IDE: variants seen among roughly 807,000 people sequenced by gnomAD.
IDE encodes the protein insulin-degrading enzyme.
IDE carries 58 observed loss-of-function variants against 133.2 expected under a neutral mutation model. The ratio of observed to expected loss-of-function variants is 0.44; its 90% CI spans 0.35 to 0.54. The LOEUF (loss-of-function observed/expected upper bound fraction) is 0.54. Ranked by LOEUF, IDE falls within the 20% of genes least tolerant of loss-of-function variation. The probability of loss-of-function intolerance (pLI) is 0.00; values close to 1 mark genes in which losing one functional copy is unlikely to be tolerated. For missense variants in IDE, 981 were observed against 1,234.0 expected (o/e 0.79, Z 3.07); for synonymous variants, 396 against 421.3 (o/e 0.94, Z 0.73).
intron 4 of IDE, among the ~76,000 whole-genome samples, chr10:92,526,629 T>C (rs1849634912): frequency 6.6e-6 from 1 of 151,970 alleles, no homozygotes; most frequent in Non-Finnish European, 1.5e-5. Context: ...GAGGATCACT[T>C]GAGCCTAGGA....
At chr10:92,495,646 C>T (rs906008017) in intron 11 of IDE, among the ~76,000 whole-genome samples, 1 of 151,386 alleles carries the variant, frequency 6.6e-6, no homozygotes, top group South Asian at 2.1e-4. Flanking sequence ...CCACCACACC[C>T]GGCCTCAATA....
chr10:92,505,245 C>T (rs1415069999), intron 10 of IDE, among the ~76,000 whole-genome samples: 1 of 152,110 alleles, frequency 6.6e-6, no homozygotes, highest in Non-Finnish European at 1.5e-5. Context: ...ATGCTGACAC[C>T]TACAGGATTT....
chr10:92,563,017 G>A lies in IDE; in HGVS notation c.98+10905C>T, dbSNP rs543647666. On this transcript the variant is annotated intron_variant, in intron 1 of 24. Transcript: ENST00000265986. ...TGTAATCCCAGCACTTTGGGAGGCC[G>A]AGGTGGACAGATCAACTGAAGTCAG... 2.6e-5 allele frequency among the ~76,000 whole-genome samples: 4 copies of A among 152,272 alleles called. No homozygotes were observed. The East Asian group carries it at 7.7e-4, about 29-fold the overall frequency.
chr10:92,558,625 A>C (rs1361483883), intron 1 of IDE, among the ~76,000 whole-genome samples: 2 of 151,392 alleles, frequency 1.3e-5, no homozygotes, highest in Admixed American at 1.3e-4. Context: ...ATGGAGTTTC[A>C]CTCTCGTCAC....
Position 92,534,634 on chromosome 10 carries a change from C to T in IDE, c.435G>A (p.Glu145=), listed in dbSNP as rs894230878. ...AGSSNAFTSG[E]HTNYYFDVSH... The stretch of plus-strand genomic sequence containing the variant: ...AAACATCAAAATAGTAATTGGTATG[C>T]TCTCCACTAGTAAAGGCATTTGAAC... The change falls in exon 3 of 25, where the codon GAG becomes GAA. Residue 145 remains glutamate (E), a synonymous_variant. Transcript: ENST00000265986. The T allele has an allele frequency of 1.9e-6, 3 of 1,613,748 alleles. No individual in the cohort carries two copies. Among genetic ancestry groups the T allele is most frequent in the African/African-American group, 1.3e-5 (1 of 74,890 alleles).
intron 1 of IDE, among the ~76,000 whole-genome samples, chr10:92,546,253 T>C (rs557780202): frequency 2.0e-5 from 3 of 152,228 alleles, no homozygotes; most frequent in South Asian, 2.1e-4. Context: ...GGAGTAGTGA[T>C]TGGATTTGGA....
chr10:92,561,597 CAAA>C (rs1243124939), intron 1 of IDE, among the ~76,000 whole-genome samples: 2 of 120,202 alleles, frequency 1.7e-5, no homozygotes, highest in Non-Finnish European at 3.6e-5. Flanking sequence ...AATAAAAATA[CAAA>C]AAAAAAAAAA....
intron 11 of IDE, among the ~76,000 whole-genome samples, chr10:92,497,455 C>T (rs897228217): frequency 5.3e-5 from 8 of 152,170 alleles, no homozygotes; most frequent in Non-Finnish European, 1.2e-4. Context: ...CCATACTACA[C>T]CATTTAATAT....
At chr10:92,467,560 G>A (rs960770541) in intron 19 of IDE, among the ~76,000 whole-genome samples, 10 of 152,208 alleles carry the variant, frequency 6.6e-5, no homozygotes, top group African/African-American at 1.4e-4. Context: ...GGAGGCAAAA[G>A]AGATTAAGAT....
At chr10:92,538,574 G>A (rs1832197) in intron 1 of IDE, among the ~76,000 whole-genome samples, 62,476 of 152,098 alleles carry the variant, frequency 0.41, 13,096 homozygotes, top group African/African-American at 0.46. Flanking sequence ...AAATTCTCTT[G>A]CAAAGGGCTT....
At position 92,573,904 on chromosome 10, in the gene IDE, G is replaced by A; in HGVS notation, c.98+18C>T. On this transcript the variant is annotated intron_variant, in intron 1 of 24. Coordinates refer to ENST00000265986, the MANE Select transcript of IDE (RefSeq NM_004969.4). ...TGACCCACGGGGCCCGAGGGCCCGG[G>A]CGCTCCATTCCGCTTACCCACACAG... The A allele has an allele frequency of 6.9e-7, 1 of 1,441,606 alleles. No individual in the cohort carries two copies. Among genetic ancestry groups the A allele is most frequent in the Middle Eastern group, 1.8e-4 (1 of 5,636 alleles). The allele number at this position is 1,441,606 out of a possible 1,614,324, so 89.3% of individuals were successfully genotyped here.
chr10:92,482,086 T>G (rs1022631714), intron 14 of IDE, among the ~76,000 whole-genome samples: 2 of 152,220 alleles, frequency 1.3e-5, no homozygotes, highest in Non-Finnish European at 2.9e-5. Context: ...TTATAATCAC[T>G]ATAATCTCAA....
At chr10:92,532,814 T>C (rs1478006727) in intron 3 of IDE, among the ~76,000 whole-genome samples, 2 of 152,194 alleles carry the variant, frequency 1.3e-5, no homozygotes, top group Non-Finnish European at 2.9e-5. Flanking sequence ...GACTACTTTA[T>C]TCAGTGGGCC....
At chr10:92,478,528 T>C (rs1846409307) in intron 15 of IDE, 2 of 465,054 alleles carry the variant, frequency 4.3e-6, no homozygotes, top group South Asian at 5.6e-5. Context: ...ATCAAAAAGA[T>C]GCAAGGAAAA....
intron 14 of IDE, among the ~76,000 whole-genome samples, chr10:92,482,941 C>T (rs1400474920): frequency 3.3e-5 from 5 of 151,950 alleles, no homozygotes; most frequent in African/African-American, 1.2e-4. Context: ...CCACCATGCC[C>T]GGCTAATTTT....
At position 92,454,236 on chromosome 10, in the gene IDE, G is replaced by A. The variant is rs982626184; in HGVS notation, c.*208C>T. ...AAAAGAAAAATTTTAAAATATTTAA[G>A]AGGCATGTATTTAAAAAATATTCTA... On this transcript the variant is annotated 3_prime_UTR_variant, in exon 25 of 25. Transcript: ENST00000265986. The A allele has an allele frequency of 4.9e-6, 2 of 407,440 alleles. No individual in the cohort carries two copies. The highest frequency in any genetic ancestry group is 4.0e-5 in the African/African-American group (2 of 49,980). The allele number at this position is 407,440 out of a possible 1,614,324, so 25.2% of individuals were successfully genotyped here.
At chr10:92,545,525 G>T in intron 1 of IDE, among the ~76,000 whole-genome samples, 1 of 152,226 alleles carries the variant, frequency 6.6e-6, no homozygotes, top group East Asian at 1.9e-4. Context: ...CCAGAAAGGT[G>T]AGCAACCTCT....
intron 1 of IDE, among the ~76,000 whole-genome samples, chr10:92,557,184 C>G (rs185790036): frequency 6.6e-6 from 1 of 152,148 alleles, no homozygotes. Context: ...AAGACTCAAA[C>G]TGCCTGACTT....
rs147786855 is a variant in IDE at position 92,530,304 on chromosome 10, G to T, written c.661+1444C>A. ...TTGAAAAAACAAAAAAAAAGTTGTT[G>T]TTTTTTTTTTGAGACAGGGTCTTAC... On this transcript the variant is annotated intron_variant, in intron 4 of 24. Coordinates refer to ENST00000265986, the MANE Select transcript of IDE (RefSeq NM_004969.4). Among the ~76,000 whole-genome samples the T allele has an allele frequency of 2.5e-3, 365 of 148,052 alleles. 1 individual carries two copies. The highest frequency in any genetic ancestry group is 4.2e-3 in the Non-Finnish European group (281 of 66,742).
Sources: gnomAD v4.1 joint callset for allele counts (sites outside exome capture counted in the v4.1 genomes callset) on GRCh38, gnomAD v4.1.1 for gene constraint, MANE v1.5 for transcripts, NCBI Gene and HGNC (gene_info 2026-07-23, HGNC 2026-07-21) for gene names.